The following HSD17B3 variants were observed in gnomAD, a reference collection of about 807,000 sequenced individuals.
HSD17B3 encodes the protein hydroxysteroid 17-beta dehydrogenase 3, also known as 17-beta-hydroxysteroid dehydrogenase type 3.
In HSD17B3, 29 loss-of-function variants were observed where a neutral mutation model predicts 41.1. The ratio of observed to expected loss-of-function variants is 0.71; its 90% confidence interval spans 0.53 to 0.96. The LOEUF (loss-of-function observed/expected upper bound fraction) is 0.96, where lower values mean the gene tolerates loss of function less well. HSD17B3 is among the 40% of genes least tolerant of loss of function. The probability of loss-of-function intolerance (pLI) is 0.00; values close to 1 mark genes in which losing one functional copy is unlikely to be tolerated. For synonymous variants in HSD17B3, 126 were observed against 145.6 expected (o/e 0.87, Z 0.97); for missense variants, 323 against 374.6 (o/e 0.86, Z 1.14).
chr9:96,295,320 G>GTTTGTT (rs776971736), intron 2 of HSD17B3, among the ~76,000 whole-genome samples: 1 of 143,668 alleles, frequency 7.0e-6, no homozygotes, highest in Admixed American at 6.9e-5. Context: ...GAGTTTTTTG[G>GTTTGTT]TTTGTTTTTG....
At chr9:96,252,938 T>A in intron 3 of HSD17B3, 28 bp from the exon 4 acceptor site, 1 of 1,414,566 alleles carries the variant, frequency 7.1e-7, no homozygotes. Flanking sequence ...GTTTTTTTAA[T>A]GAACAGGGAT....
chr9:96,242,011 GAAA>G (rs376498434), intron 9 of HSD17B3, among the ~76,000 whole-genome samples: 6 of 105,186 alleles, frequency 5.7e-5, no homozygotes, highest in Non-Finnish European at 8.1e-5. Context: ...GAAAGAGAAA[GAAA>G]AGAAAGAAAA....
At chr9:96,258,460 GACC>G (rs1003022792) in intron 2 of HSD17B3, among the ~76,000 whole-genome samples, 2 of 152,130 alleles carry the variant, frequency 1.3e-5, no homozygotes, top group African/African-American at 4.8e-5. Flanking sequence ...CTGTTCCACT[GACC>G]TATTTATCAA....
chr9:96,296,721 G>C (rs1418704242), intron 2 of HSD17B3, among the ~76,000 whole-genome samples: 6 of 152,138 alleles, frequency 3.9e-5, no homozygotes, highest in Admixed American at 3.3e-4. Flanking sequence ...CCATCCATTT[G>C]ATGGAATATT....
At position 96,254,852 on chromosome 9, in the gene HSD17B3, T is replaced by A; in HGVS notation, c.277+16A>T. 1 of 1,610,700 alleles carries A rather than the reference T, an allele frequency of 6.2e-7. No homozygotes were observed. Among genetic ancestry groups the A allele is most frequent in the Non-Finnish European group, 8.5e-7 (1 of 1,177,126 alleles). On this transcript the variant is annotated intron_variant, in intron 3 of 10. Coordinates refer to ENST00000375263, the MANE Select transcript of HSD17B3 (RefSeq NM_000197.2). Reference sequence around the variant, plus strand: ...AGGGCTCCACACACATCTCCCTTATTTGGGGGGTCACTCACCGATCTCTGT... The same window carrying A: ...AGGGCTCCACACACATCTCCCTTATATGGGGGGTCACTCACCGATCTCTGT...
intron 2 of HSD17B3, among the ~76,000 whole-genome samples, chr9:96,278,795 C>A (rs1206511374): frequency 2.0e-5 from 3 of 152,154 alleles, no homozygotes; most frequent in South Asian, 2.1e-4. Flanking sequence ...CTGTAGGTAC[C>A]CTCCCACAAA....
At chr9:96,272,964 A>C (rs2130764966) in intron 2 of HSD17B3, among the ~76,000 whole-genome samples, 1 of 152,308 alleles carries the variant, frequency 6.6e-6, no homozygotes, top group Non-Finnish European at 1.5e-5. Flanking sequence ...CAATCCAAAA[A>C]GTTTTACATA....
chr9:96,252,640 G>A (rs1303994515), intron 4 of HSD17B3, among the ~76,000 whole-genome samples, 163 bp downstream of exon 4: 1 of 151,638 alleles, frequency 6.6e-6, no homozygotes, highest in African/African-American at 2.4e-5. Flanking sequence ...ATTCAGTAAT[G>A]CCTCTAGAAG....
chr9:96,252,271 G>A (rs138750874), intron 4 of HSD17B3, among the ~76,000 whole-genome samples: 71 of 152,250 alleles, frequency 4.7e-4, no homozygotes, highest in South Asian at 1.2e-3. Flanking sequence ...CCGGCCGGGT[G>A]CAGTGGCTCA....
chr9:96,245,100 G>A (rs1168687320), intron 8 of HSD17B3, among the ~76,000 whole-genome samples: 1 of 152,214 alleles, frequency 6.6e-6, no homozygotes, highest in Non-Finnish European at 1.5e-5. Flanking sequence ...GGCTCCCAGA[G>A]GAGGTGAGTG....
chr9:96,268,830 T>C (rs1286564043), intron 2 of HSD17B3, among the ~76,000 whole-genome samples: 1 of 151,958 alleles, frequency 6.6e-6, no homozygotes, highest in East Asian at 1.9e-4. Context: ...ACCCCTGTAA[T>C]CCCAGCTACT....
chr9:96,238,461 A>G (rs764951691), intron 10 of HSD17B3, among the ~76,000 whole-genome samples: 34 of 152,184 alleles, frequency 2.2e-4, no homozygotes, highest in Non-Finnish European at 4.6e-4. Context: ...CAAGAGTTGG[A>G]GACCAACCTG....
At chr9:96,295,900 G>A (rs186909475) in intron 2 of HSD17B3, among the ~76,000 whole-genome samples, 159 of 152,218 alleles carry the variant, frequency 1.0e-3, no homozygotes, top group African/African-American at 2.8e-3. Flanking sequence ...AGGCTTTCAG[G>A]AGGTAATCAG....
intron 2 of HSD17B3, among the ~76,000 whole-genome samples, chr9:96,276,532 A>G (rs1433659894): frequency 6.6e-6 from 1 of 152,244 alleles, no homozygotes; most frequent in African/African-American, 2.4e-5. Flanking sequence ...ATCAAAATAG[A>G]ATGCTTTACT....
At chr9:96,298,490 G>A (rs755989064) in intron 1 of HSD17B3, 28 bp from the exon 2 acceptor site, 15 of 1,600,520 alleles carry the variant, frequency 9.4e-6, no homozygotes, top group Non-Finnish European at 1.2e-5. Context: ...GCTTTTAAAA[G>A]ACAGAATTCA....
intron 3 of HSD17B3, among the ~76,000 whole-genome samples, chr9:96,253,905 G>A (rs2130731917): frequency 6.6e-6 from 1 of 152,094 alleles, no homozygotes; most frequent in South Asian, 2.1e-4. Flanking sequence ...GGGTTCAAGG[G>A]CACTGTGCTT....
chr9:96,276,958 T>C (rs550794931), intron 2 of HSD17B3, among the ~76,000 whole-genome samples: 1 of 152,054 alleles, frequency 6.6e-6, no homozygotes, highest in East Asian at 1.9e-4. Flanking sequence ...TCCCAACACT[T>C]TGGGAGGCTG....
At chr9:96,262,763 A>G (rs1825909438) in intron 2 of HSD17B3, among the ~76,000 whole-genome samples, 1 of 152,098 alleles carries the variant, frequency 6.6e-6, no homozygotes, top group South Asian at 2.1e-4. Context: ...CTTGAATTAT[A>G]TTTTGTCTGA....
intron 2 of HSD17B3, among the ~76,000 whole-genome samples, chr9:96,296,412 C>T (rs1262651346): frequency 9.2e-5 from 14 of 152,200 alleles, no homozygotes. Context: ...GCCTCCAGAA[C>T]CCTAAGAAAT....
Sources: gnomAD v4.1 joint callset for allele counts (sites outside exome capture counted in the v4.1 genomes callset) on GRCh38, gnomAD v4.1.1 for gene constraint, MANE v1.5 for transcripts, NCBI Gene and HGNC (gene_info 2026-07-23, HGNC 2026-07-21) for gene names.